SAMD12: variants seen among roughly 807,000 people sequenced by gnomAD.
The protein encoded by SAMD12 is sterile alpha motif domain-containing protein 12.
In SAMD12, 9 loss-of-function variants were observed where a neutral mutation model predicts 15.0. That is an observed-to-expected ratio of 0.60 (90% CI 0.36 to 1.05). SAMD12 has a LOEUF of 1.05. SAMD12 is among the 50% of genes least tolerant of loss of function. The pLI is 0.01. For synonymous variants in SAMD12, 86 were observed against 90.1 expected, an observed-to-expected ratio of 0.96 and a Z score of 0.25; for missense variants, 230 against 234.2, an observed-to-expected ratio of 0.98 and a Z score of 0.12.
intron 4 of SAMD12, among the ~76,000 whole-genome samples, chr8:118,312,676 C>G (rs1410269285): frequency 6.6e-6 from 1 of 152,078 alleles, no homozygotes; most frequent in Non-Finnish European, 1.5e-5. Flanking sequence ...AGGACAGGCT[C>G]TCTGTATTTT....
At chr8:118,502,337 A>C (rs1010218263) in intron 2 of SAMD12, among the ~76,000 whole-genome samples, 4 of 152,192 alleles carry the variant, frequency 2.6e-5, no homozygotes, top group African/African-American at 7.2e-5. Context: ...GATGAATACG[A>C]AATTTGAAAT....
intron 4 of SAMD12, among the ~76,000 whole-genome samples, chr8:118,326,284 C>A (rs1232810306): frequency 6.6e-6 from 1 of 152,086 alleles, no homozygotes; most frequent in Non-Finnish European, 1.5e-5. Flanking sequence ...GTTCCAGGAC[C>A]AGGATTGACA....
intron 3 of SAMD12, among the ~76,000 whole-genome samples, chr8:118,405,564 T>C (rs540155920): frequency 1.9e-4 from 29 of 152,316 alleles, no homozygotes; most frequent in Middle Eastern, 3.4e-3. Flanking sequence ...AGAAATAGTC[T>C]TATGTCTAGA....
At chr8:118,164,809 C>CTG in the SAMD12 span, among the ~76,000 whole-genome samples, 4 of 151,146 alleles carry the variant, frequency 2.6e-5, no homozygotes, top group African/African-American at 9.8e-5. Context: ...TTGTCTCTCT[C>CTG]TGTATATATA....
Position 118,279,313 on chromosome 8 carries a change from G to A in SAMD12, c.434-81581C>T, listed in dbSNP as rs192807978. Among the ~76,000 whole-genome samples, 10 of 151,998 alleles carry A rather than the reference G, an allele frequency of 6.6e-5. No homozygotes were observed. In the East Asian group the frequency reaches 1.9e-3, roughly 29 times the overall value. ...TCTGCTACTTTAAAAACTTTCTACT[G>A]GTCAGGAAAGTAGTCTTATATTATT... On this transcript the variant is annotated intron_variant, in intron 4 of 4. Transcript: ENST00000409003.
chr8:118,510,581 G>C (rs987274627), intron 2 of SAMD12, among the ~76,000 whole-genome samples: 1 of 152,172 alleles, frequency 6.6e-6, no homozygotes, highest in African/African-American at 2.4e-5. Flanking sequence ...CATCAATCAA[G>C]TGAAGGCAAC....
chr8:118,301,647 C>T (rs2130332041), intron 4 of SAMD12, among the ~76,000 whole-genome samples: 1 of 152,286 alleles, frequency 6.6e-6, no homozygotes, highest in East Asian at 1.9e-4. Context: ...TTCTTCAGAA[C>T]TGCTAAAATG....
intron 2 of SAMD12, among the ~76,000 whole-genome samples, chr8:118,483,251 C>T (rs1407062595): frequency 6.6e-6 from 1 of 152,152 alleles, no homozygotes; most frequent in Non-Finnish European, 1.5e-5. Context: ...AAACACAAAC[C>T]ATCAGCAGCA....
chr8:118,304,458 A>G (rs572609782), intron 4 of SAMD12, among the ~76,000 whole-genome samples: 1 of 152,190 alleles, frequency 6.6e-6, no homozygotes, highest in Non-Finnish European at 1.5e-5. Flanking sequence ...TTTGAAAAGC[A>G]TAAGAACCTC....
the SAMD12 span, among the ~76,000 whole-genome samples, chr8:118,143,303 T>G: frequency 6.6e-6 from 1 of 152,208 alleles, no homozygotes; most frequent in Non-Finnish European, 1.5e-5. Flanking sequence ...CCAAGTCAAT[T>G]TACATAAATG....
the SAMD12 span, among the ~76,000 whole-genome samples, chr8:118,166,485 A>T: frequency 6.6e-6 from 1 of 152,176 alleles, no homozygotes; most frequent in Non-Finnish European, 1.5e-5. Flanking sequence ...ATATCGCTTC[A>T]TGTTCATTTC....
At chr8:118,527,661 C>T (rs1220194238) in intron 2 of SAMD12, among the ~76,000 whole-genome samples, 1 of 152,072 alleles carries the variant, frequency 6.6e-6, no homozygotes, top group Admixed American at 6.6e-5. Flanking sequence ...GAGAGTTTTG[C>T]CACTTAAGAC....
intron 4 of SAMD12, among the ~76,000 whole-genome samples, chr8:118,355,635 C>T (rs1818193000): frequency 6.6e-6 from 1 of 152,108 alleles, no homozygotes; most frequent in African/African-American, 2.4e-5. Context: ...CCAGAAAAAA[C>T]TAAAAATCCT....
At chr8:118,300,097 T>C (rs1433830563) in intron 4 of SAMD12, among the ~76,000 whole-genome samples, 2 of 152,132 alleles carry the variant, frequency 1.3e-5, no homozygotes, top group Non-Finnish European at 1.5e-5. Context: ...ATGCAATACA[T>C]ATATAGTGAT....
At chr8:118,504,677 A>G (rs1824876404) in intron 2 of SAMD12, among the ~76,000 whole-genome samples, 1 of 152,220 alleles carries the variant, frequency 6.6e-6, no homozygotes, top group Non-Finnish European at 1.5e-5. Context: ...AAATCCAATG[A>G]CAAGTGTCTC....
intron 2 of SAMD12, among the ~76,000 whole-genome samples, chr8:118,544,181 T>C (rs556596439): frequency 1.4e-4 from 21 of 152,320 alleles, no homozygotes; most frequent in Admixed American, 2.0e-4. Context: ...ATATCATCAT[T>C]TGTGTTCTAA....
At position 118,321,144 on chromosome 8, in the gene SAMD12, A is replaced by ATATAT. The variant is rs1816242362; in HGVS notation, c.433+58415_433+58416insATATA. On this transcript the variant is annotated intron_variant, in intron 4 of 4. Coordinates refer to the SAMD12 transcript ENST00000409003. ...TATAACATATATATCATAGATAATA[A>ATATAT]ATATATATATATATATATATATATA... Among the ~76,000 whole-genome samples the ATATAT allele has an allele frequency of 5.3e-5, 5 of 94,498 alleles. No individual in the cohort carries two copies. In the East Asian group the frequency reaches 1.3e-3, roughly 24 times the overall value. 62.0% of individuals were successfully genotyped at this position (94,498 alleles called of 152,430 possible).
chr8:118,470,305 A>T (rs1463260156), intron 2 of SAMD12, among the ~76,000 whole-genome samples: 1 of 152,056 alleles, frequency 6.6e-6, no homozygotes, highest in East Asian at 1.9e-4. Context: ...TAATAAAAAA[A>T]TAACATGGAA....
chr8:118,217,043 C>T (rs1811976949), intron 4 of SAMD12, among the ~76,000 whole-genome samples: 1 of 152,098 alleles, frequency 6.6e-6, no homozygotes, highest in Non-Finnish European at 1.5e-5. Context: ...CTCGCTCTGT[C>T]ACCAGGCTGG....
Sources: allele counts gnomAD v4.1 joint callset (sites outside exome capture counted in the v4.1 genomes callset), GRCh38; gene constraint gnomAD v4.1.1; transcripts MANE v1.5; gene names NCBI Gene and HGNC (gene_info 2026-07-23, HGNC 2026-07-21).